The following TMEM192 variants were observed in gnomAD, a reference collection of about 807,000 sequenced individuals.
The protein encoded by TMEM192 is transmembrane protein 192.
A neutral mutation model predicts 26.7 loss-of-function variants in TMEM192; 20 were observed. The observed-to-expected ratio is 0.75, with a 90% confidence interval of 0.53 to 1.09. The LOEUF is 1.09. Ranked by LOEUF, TMEM192 falls within the 50% of genes least tolerant of loss-of-function variation. The pLI, the probability that TMEM192 is intolerant of heterozygous loss-of-function variation, is 0.00. For synonymous variants in TMEM192, 124 were observed against 121.0 expected (o/e 1.02, Z -0.16); for missense variants, 304 against 322.6 (o/e 0.94, Z 0.44).
intron 4 of TMEM192, among the ~76,000 whole-genome samples, chr4:165,086,156 T>G (rs554851817): frequency 6.6e-6 from 1 of 152,184 alleles, no homozygotes; most frequent in African/African-American, 2.4e-5. Flanking sequence ...TCAAGCTGCT[T>G]TTTGGCCTGG....
At position 165,079,783 on chromosome 4, in the gene TMEM192, G is replaced by C. The variant is rs922103884; in HGVS notation, c.691C>G (p.Leu231Val). ...CCTTGCTTTTCAACAATTTCTTCTA[G>C]GCTTGAAATAGTTCTGCAAGTAATC... Reference protein sequence around the residue: ...SETGFRTISSLEEIVEKQGDT... With the variant: ...SETGFRTISSVEEIVEKQGDT... Residue 231 changes from leucine to valine, a missense_variant, in exon 6 of 6, where the codon CTA (leucine) becomes GTA (valine). Leu to Val is a conservative substitution (Grantham distance 32, BLOSUM62 1). Transcript: ENST00000306480. 6.2e-7 allele frequency: 1 copy of C among 1,613,512 alleles called. No homozygotes were observed. The highest frequency in any genetic ancestry group is 1.3e-5 in the African/African-American group (1 of 74,972).
At chr4:165,089,708 G>T (rs181366208) in intron 3 of TMEM192, among the ~76,000 whole-genome samples, 3 of 152,204 alleles carry the variant, frequency 2.0e-5, no homozygotes, top group Non-Finnish European at 4.4e-5. Flanking sequence ...AAGAGTTCTG[G>T]TTTCTATGAC....
intron 2 of TMEM192, 125 bp downstream of exon 2, chr4:165,102,825 T>G: frequency 1.5e-6 from 1 of 681,980 alleles, no homozygotes; most frequent in East Asian, 3.2e-5. Flanking sequence ...GCACTCAGGA[T>G]GTCCTAAGAA....
intron 1 of TMEM192, among the ~76,000 whole-genome samples, chr4:165,107,389 A>G (rs1735188198): frequency 6.6e-6 from 1 of 150,722 alleles, no homozygotes; most frequent in Non-Finnish European, 1.5e-5. Context: ...CAGGCTGGAG[A>G]ACAGTGGCAC....
Position 165,095,608 on chromosome 4 carries a change from T to C in TMEM192, c.439+5020A>G, listed in dbSNP as rs141640722. Among the ~76,000 whole-genome samples, 540 of 152,240 alleles carry C rather than the reference T, an allele frequency of 3.5e-3. 1 individual carries two copies. The highest frequency in any genetic ancestry group is 0.012 in the African/African-American group (500 of 41,544). On this transcript the variant is annotated intron_variant, in intron 3 of 5. Transcript: ENST00000306480. Reference sequence around the variant, plus strand: ...AGAGCAGTTTCCTTGAACTGCACTTTTGCATGTCCTCAGCCTCTGGCTTTA... The same window carrying C: ...AGAGCAGTTTCCTTGAACTGCACTTCTGCATGTCCTCAGCCTCTGGCTTTA...
chr4:165,083,403 C>T (rs965294858), intron 5 of TMEM192, among the ~76,000 whole-genome samples: 1 of 39,932 alleles, frequency 2.5e-5, no homozygotes, highest in African/African-American at 4.5e-5. Context: ...TAGTTCTGTA[C>T]GTATTGAGAA....
chr4:165,078,897 C>T lies in TMEM192; in HGVS notation c.*761G>A, dbSNP rs1734450952. On this transcript the variant is annotated 3_prime_UTR_variant, in exon 6 of 6. Transcript: ENST00000306480. ...CTCCGCCTCCTGGGTCCACACCATTCTCCTGCCTCAGCCTCCCAGGTGGCT... is the reference window on the plus strand; with the variant it reads ...CTCCGCCTCCTGGGTCCACACCATTTTCCTGCCTCAGCCTCCCAGGTGGCT... 1 of 152,268 alleles carries T rather than the reference C, an allele frequency of 6.6e-6. No homozygotes were observed. Among genetic ancestry groups the T allele is most frequent in the Admixed American group, 6.5e-5 (1 of 15,282 alleles). 9.4% of individuals were successfully genotyped at this position (152,268 alleles called of 1,614,324 possible).
intron 1 of TMEM192, among the ~76,000 whole-genome samples, chr4:165,109,742 C>T (rs979131736): frequency 6.6e-6 from 1 of 152,236 alleles, no homozygotes; most frequent in Non-Finnish European, 1.5e-5. Flanking sequence ...CCTAATATGT[C>T]ACTTTCATGC....
chr4:165,108,626 A>T (rs1165714760), intron 1 of TMEM192, among the ~76,000 whole-genome samples: 3 of 152,156 alleles, frequency 2.0e-5, no homozygotes, highest in East Asian at 3.9e-4. Flanking sequence ...AATAGGCAGT[A>T]TTCTTGGCCC....
intron 4 of TMEM192, 41 bp from the exon 5 acceptor site, chr4:165,085,729 CAA>C (rs769335031): frequency 3.5e-6 from 5 of 1,409,762 alleles, no homozygotes; most frequent in Non-Finnish European, 4.9e-6. Context: ...TTCTGAAAGA[CAA>C]GTCTAGTTTC....
chr4:165,086,101 G>C (rs748077122), intron 4 of TMEM192, among the ~76,000 whole-genome samples: 1 of 152,182 alleles, frequency 6.6e-6, no homozygotes, highest in Non-Finnish European at 1.5e-5. Flanking sequence ...AGTATGGAAA[G>C]TACCTTCAAT....
At chr4:165,106,536 G>A (rs1444845745) in intron 1 of TMEM192, among the ~76,000 whole-genome samples, 1 of 152,256 alleles carries the variant, frequency 6.6e-6, no homozygotes, top group African/African-American at 2.4e-5. Context: ...CATCCAATCA[G>A]CTGCCAATGC....
At chr4:165,085,512 A>T (rs1734590660) in intron 5 of TMEM192, 74 bp downstream of exon 5, 1 of 945,040 alleles carries the variant, frequency 1.1e-6, no homozygotes, top group African/African-American at 1.7e-5. Flanking sequence ...ACAATCATAA[A>T]TTCCAAGCAT....
rs1553987406 is a variant in TMEM192, at chr4:165,074,119, C to CCT, written c.*5537_*5538dup. ...CACAGGTGTGGAGGGGCAGACCCCC[C>CCT]CTCAATCAACTGAGCCAAGTGTTGC... On this transcript the variant is annotated 3_prime_UTR_variant, in exon 6 of 6. Coordinates refer to ENST00000306480, the MANE Select transcript of TMEM192 (RefSeq NM_001100389.2). 1 of 151,010 alleles carries CCT rather than the reference C, an allele frequency of 6.6e-6. No individual in the cohort carries two copies. Among genetic ancestry groups the CCT allele is most frequent in the Non-Finnish European group, 1.5e-5 (1 of 67,512 alleles). 9.4% of individuals were successfully genotyped at this position (151,010 alleles called of 1,614,324 possible).
intron 2 of TMEM192, 147 bp downstream of exon 2, chr4:165,102,800 TTTG>T: frequency 6.1e-5 from 30 of 494,290 alleles, no homozygotes; most frequent in South Asian, 5.0e-4. Flanking sequence ...TTTTTTTTTT[TTTG>T]CCCATGACAC....
intron 3 of TMEM192, among the ~76,000 whole-genome samples, chr4:165,099,106 T>C (rs28416182): frequency 0.43 from 59,367 of 136,914 alleles, 13,529 homozygotes; most frequent in East Asian, 0.56. Flanking sequence ...TTCTTTCTTT[T>C]TTTTTTTTTT....
Position 165,081,696 on chromosome 4 carries a change from C to G in TMEM192, c.678-1900G>C, listed in dbSNP as rs1220280653. On this transcript the variant is annotated intron_variant, in intron 5 of 5. Transcript: ENST00000306480. ...GTGAGCCACCGTGTCCGGCAGAGAC[C>G]GAGTCTTGCTCTGTGGCCCAGGCTG... Among the ~76,000 whole-genome samples, 2 of 35,224 alleles carry G rather than the reference C, an allele frequency of 5.7e-5. 1 individual carries two copies. Among genetic ancestry groups the G allele is most frequent in the African/African-American group, 1.0e-4 (2 of 19,536 alleles). The allele number at this position is 35,224 out of a possible 152,430, so 23.1% of individuals were successfully genotyped here. A position where few individuals can be genotyped will look rare whatever the true frequency, so the allele number is the denominator to read the frequency against.
chr4:165,110,704 A>C (rs1459052818), intron 1 of TMEM192, among the ~76,000 whole-genome samples: 1 of 152,170 alleles, frequency 6.6e-6, no homozygotes, highest in Non-Finnish European at 1.5e-5. Context: ...AAACTCCATC[A>C]CAAAAAAAGA....
chr4:165,100,707 T>A lies in TMEM192; in HGVS notation c.360A>T (p.Lys120Asn). Residue 120 changes from lysine (K) to asparagine (N), a missense_variant, in exon 3 of 6, where the codon AAA (lysine) becomes AAT (asparagine). By Grantham distance (94) the Lys-to-Asn change is moderately conservative. Coordinates refer to ENST00000306480, the MANE Select transcript of TMEM192 (RefSeq NM_001100389.2). ...TCAAGTTATAGCCTCGGTTTCTGAT[T>A]TTGCTGTGGTGATACTGGATGTAGC... is the stretch of plus-strand genomic sequence containing the variant. ...LECYIQYHHS[K>N]IRNRGYNLIY... 6.2e-7 allele frequency: 1 copy of A among 1,614,102 alleles called. No individual in the cohort carries two copies.
Sources: allele counts gnomAD v4.1 joint callset (sites outside exome capture counted in the v4.1 genomes callset), GRCh38; gene constraint gnomAD v4.1.1; transcripts MANE v1.5; gene names NCBI Gene and HGNC (gene_info 2026-07-23, HGNC 2026-07-21).